Variants in PCDH9 observed in about 807,000 individuals in gnomAD.
The protein encoded by PCDH9 is protocadherin-9.
Under a neutral mutation model 70.6 loss-of-function variants are expected in PCDH9, and 24 were observed. The observed-to-expected ratio is 0.34, with a 90% confidence interval of 0.25 to 0.48. The LOEUF (loss-of-function observed/expected upper bound fraction) is 0.48. PCDH9 is among the 20% of genes least tolerant of loss of function. The pLI is 0.99. For missense variants in PCDH9, 1,281 were observed against 1,503.6 expected (o/e 0.85, Z 2.45); for synonymous variants, 562 against 558.5 (o/e 1.01, Z -0.09).
Position 66,818,885 on chromosome 13 carries a change from G to A in PCDH9, c.3138+84619C>T, listed in dbSNP as rs571902819. On this transcript the variant is annotated intron_variant, in intron 3 of 4. Transcript: ENST00000377865. ...GGAGGCGGAGCTTGCAGTGGGCCGAGATCGCGCCACTGCACTCCAGCCTGG... is the reference window on the plus strand; with the variant it reads ...GGAGGCGGAGCTTGCAGTGGGCCGAAATCGCGCCACTGCACTCCAGCCTGG... Among the ~76,000 whole-genome samples the A allele has an allele frequency of 1.8e-4, 28 of 151,532 alleles. No individual in the cohort carries two copies. In the South Asian group the frequency reaches 5.0e-3, roughly 27 times the overall value.
At chr13:66,832,125 C>A (rs891717949) in intron 3 of PCDH9, among the ~76,000 whole-genome samples, 1 of 152,018 alleles carries the variant, frequency 6.6e-6, no homozygotes, top group African/African-American at 2.4e-5. Context: ...AATAACAGCA[C>A]AACCAGGGAA....
At position 66,430,073 on chromosome 13, in the gene PCDH9, G is replaced by A. The variant is rs147409268; in HGVS notation, c.3341-125045C>T. Among the ~76,000 whole-genome samples the A allele has an allele frequency of 3.7e-3, 566 of 152,100 alleles. 2 individuals are homozygous for A. Among genetic ancestry groups the A allele is most frequent in the Non-Finnish European group, 4.8e-3 (326 of 67,938 alleles). On this transcript the variant is annotated intron_variant, in intron 4 of 4. Transcript: ENST00000377865. ...ATTTTACATTTTGTTTCAAGTCAAA[G>A]TTTCTTCTCTGTTTTTAGAATGCTT...
intron 2 of PCDH9, among the ~76,000 whole-genome samples, chr13:67,067,972 T>C (rs1020270441): frequency 1.2e-4 from 19 of 152,162 alleles, no homozygotes; most frequent in African/African-American, 4.1e-4. Context: ...CCAGTTGTGA[T>C]GACAGCATGT....
chr13:66,594,331 G>T (rs535723489), intron 4 of PCDH9, among the ~76,000 whole-genome samples: 22 of 151,726 alleles, frequency 1.4e-4, no homozygotes, highest in Non-Finnish European at 2.5e-4. Flanking sequence ...GAAAATTTCT[G>T]TGAAAGAAAC....
intron 3 of PCDH9, among the ~76,000 whole-genome samples, chr13:66,799,066 C>A (rs1054499160): frequency 6.6e-6 from 1 of 152,084 alleles, no homozygotes; most frequent in South Asian, 2.1e-4. Context: ...TGGCCTGCCT[C>A]GGCTGCCCAA....
intron 2 of PCDH9, among the ~76,000 whole-genome samples, chr13:66,994,449 A>C (rs1594364464): frequency 6.6e-6 from 1 of 152,230 alleles, no homozygotes; most frequent in African/African-American, 2.4e-5. Flanking sequence ...GAGCGCTGAG[A>C]CTAGCCCGGG....
chr13:66,602,287 G>T (rs1409124251), intron 4 of PCDH9, among the ~76,000 whole-genome samples: 1 of 146,596 alleles, frequency 6.8e-6, no homozygotes, highest in Non-Finnish European at 1.5e-5. Flanking sequence ...CTCCTGGGCT[G>T]CATGTGGCCC....
intron 4 of PCDH9, among the ~76,000 whole-genome samples, chr13:66,383,631 T>C (rs1035955296): frequency 9.2e-5 from 14 of 152,212 alleles, no homozygotes; most frequent in Non-Finnish European, 1.3e-4. Flanking sequence ...CTATGTTTCA[T>C]TGATGAGCTA....
intron 2 of PCDH9, among the ~76,000 whole-genome samples, chr13:67,018,433 A>G (rs1018801958): frequency 6.6e-6 from 1 of 152,116 alleles, no homozygotes; most frequent in African/African-American, 2.4e-5. Flanking sequence ...ATCCTGGTCA[A>G]CATAGTGAAA....
At chr13:66,672,684 C>T (rs993758948) in intron 3 of PCDH9, among the ~76,000 whole-genome samples, 3 of 152,176 alleles carry the variant, frequency 2.0e-5, no homozygotes, top group Non-Finnish European at 4.4e-5. Flanking sequence ...AAGCCACAGG[C>T]GCAGAGCTGC....
At chr13:67,093,909 T>G (rs1007148802) in intron 2 of PCDH9, among the ~76,000 whole-genome samples, 1 of 152,176 alleles carries the variant, frequency 6.6e-6, no homozygotes, top group Non-Finnish European at 1.5e-5. Context: ...ATTAAGAAGA[T>G]GAGATAGTAG....
chr13:66,790,950 A>T (rs1162737053), intron 3 of PCDH9, among the ~76,000 whole-genome samples: 1 of 152,152 alleles, frequency 6.6e-6, no homozygotes, highest in Non-Finnish European at 1.5e-5. Context: ...TCAATCAAGC[A>T]TAACACAGAA....
chr13:66,539,291 G>T (rs1265708622), intron 4 of PCDH9, among the ~76,000 whole-genome samples: 1 of 151,904 alleles, frequency 6.6e-6, no homozygotes, highest in Non-Finnish European at 1.5e-5. Flanking sequence ...ATATGGTTTG[G>T]CTGTGTCCCC....
intron 3 of PCDH9, among the ~76,000 whole-genome samples, chr13:66,752,642 G>A (rs1338023225): frequency 1.3e-5 from 2 of 152,272 alleles, no homozygotes; most frequent in Non-Finnish European, 2.9e-5. Context: ...TTATATTTGT[G>A]AATTTAAATT....
At chr13:66,853,480 T>C (rs1051033083) in intron 3 of PCDH9, among the ~76,000 whole-genome samples, 5 of 152,132 alleles carry the variant, frequency 3.3e-5, no homozygotes, top group Non-Finnish European at 4.4e-5. Context: ...ATTCATCAAA[T>C]GAATGTGAGT....
chr13:66,329,552 T>C (rs927452728), intron 4 of PCDH9, among the ~76,000 whole-genome samples: 3 of 152,166 alleles, frequency 2.0e-5, no homozygotes, highest in African/African-American at 7.2e-5. Context: ...GTAAAGAGAA[T>C]GTCCCCAGTT....
At chr13:67,148,661 T>G (rs1218569498) in intron 2 of PCDH9, among the ~76,000 whole-genome samples, 2 of 152,160 alleles carry the variant, frequency 1.3e-5, no homozygotes, top group East Asian at 3.9e-4. Flanking sequence ...ATGTTTTTCT[T>G]CGATGTCCTT....
intron 3 of PCDH9, among the ~76,000 whole-genome samples, chr13:66,767,399 A>T (rs2079735196): frequency 6.6e-6 from 1 of 152,138 alleles, no homozygotes; most frequent in African/African-American, 2.4e-5. Context: ...TTCAAGAACA[A>T]ATATGAGTCA....
intron 2 of PCDH9, chr13:67,214,416 C>G (rs1171023209): frequency 1.3e-5 from 2 of 152,166 alleles, no homozygotes; most frequent in South Asian, 2.1e-4. Flanking sequence ...GTGTTAAGTA[C>G]TGACTGTGAA....
Sources: gnomAD v4.1 joint callset for allele counts (sites outside exome capture counted in the v4.1 genomes callset) on GRCh38, gnomAD v4.1.1 for gene constraint, MANE v1.5 for transcripts, NCBI Gene and HGNC (gene_info 2026-07-23, HGNC 2026-07-21) for gene names.